PDE8A: variants seen among roughly 807,000 people sequenced by gnomAD.
PDE8A encodes the protein phosphodiesterase 8A, also known as high affinity cAMP-specific and IBMX-insensitive 3',5'-cyclic phosphodiesterase 8A.
Under a neutral mutation model 105.0 loss-of-function variants are expected in PDE8A, and 59 were observed. The ratio of observed to expected loss-of-function variants is 0.56; its 90% CI spans 0.46 to 0.70. The LOEUF is 0.70. Ranked by LOEUF, PDE8A falls within the 30% of genes least tolerant of loss-of-function variation. The pLI, the probability that PDE8A is intolerant of heterozygous loss-of-function variation, is 0.00. For missense variants in PDE8A, 1,014 were observed against 1,045.9 expected (o/e 0.97, Z 0.42); for synonymous variants, 355 against 371.9 (o/e 0.95, Z 0.52).
intron 1 of PDE8A, among the ~76,000 whole-genome samples, chr15:85,060,582 A>G (rs1164620701): frequency 6.6e-6 from 1 of 152,236 alleles, no homozygotes; most frequent in Non-Finnish European, 1.5e-5. Context: ...GAGCATCCAT[A>G]GATTTTCATA....
At chr15:85,136,472 C>A in intron 20 of PDE8A, 62 bp from the exon 21 acceptor site, 2 of 1,546,740 alleles carry the variant, frequency 1.3e-6, no homozygotes, top group South Asian at 2.4e-5. Context: ...GGGGGAGGGG[C>A]TGCCCCTAGG....
At chr15:85,045,357 A>G (rs368227399) in intron 1 of PDE8A, among the ~76,000 whole-genome samples, 9 of 152,344 alleles carry the variant, frequency 5.9e-5, no homozygotes, top group African/African-American at 2.2e-4. Flanking sequence ...CTAGATACAG[A>G]TTACGGCCAG....
Position 85,113,939 on chromosome 15 carries a change from G to A in PDE8A, c.1252G>A (p.Val418Met), listed in dbSNP as rs2141602109. The change falls in exon 14 of 22, where the codon GTG becomes ATG. Residue 418 changes from valine (V) to methionine (M), a missense_variant. Physicochemically the swap from Val to Met is conservative, Grantham distance 21. Coordinates refer to ENST00000394553, the MANE Select transcript of PDE8A (RefSeq NM_002605.3). ...GCCTGTGACAGAAGCCCTAGACCGT[G>A]TGCTGGAAATTCTAAGAACCACTGA... is the stretch of plus-strand genomic sequence containing the variant. ...PMPVTEALDR[V>M]LEILRTTELY... 1 of 1,613,632 alleles carries A rather than the reference G, an allele frequency of 6.2e-7. No individual in the cohort carries two copies. The highest frequency in any genetic ancestry group is 8.5e-7 in the Non-Finnish European group (1 of 1,179,496).
chr15:85,053,581 C>A (rs1328324187), intron 1 of PDE8A, among the ~76,000 whole-genome samples: 1 of 152,148 alleles, frequency 6.6e-6, no homozygotes, highest in Non-Finnish European at 1.5e-5. Context: ...CTCTTGGAAG[C>A]AATTGTGAAT....
At chr15:85,132,188 T>C (rs1182126761) in intron 20 of PDE8A, among the ~76,000 whole-genome samples, 14 of 152,056 alleles carry the variant, frequency 9.2e-5, no homozygotes, top group Non-Finnish European at 1.5e-5. Flanking sequence ...CCCAAGCTGG[T>C]CTTGAACTCC....
In PDE8A at chr15:85,097,932, T is replaced by TA. The variant is rs763960589; in HGVS notation, c.853-15dup. ...TTTCAACACAAAGTATGACGATGCT[T>TA]ACATTCCATTTATAGGAGTGGCAAG... On this transcript the variant is annotated splice_polypyrimidine_tract_variant and intron_variant, in intron 8 of 21. Coordinates refer to ENST00000394553, the MANE Select transcript of PDE8A (RefSeq NM_002605.3). 7.3e-7 allele frequency: 1 copy of TA among 1,367,878 alleles called. No homozygotes were observed. Among genetic ancestry groups the TA allele is most frequent in the Non-Finnish European group, 1.0e-6 (1 of 956,730 alleles). 84.7% of individuals were successfully genotyped at this position (1,367,878 alleles called of 1,614,324 possible).
At chr15:85,127,400 A>G (rs1042076816) in intron 20 of PDE8A, among the ~76,000 whole-genome samples, 1 of 152,200 alleles carries the variant, frequency 6.6e-6, no homozygotes, top group African/African-American at 2.4e-5. Context: ...TGCAGATGAC[A>G]TGATTTTATG....
intron 14 of PDE8A, chr15:85,115,130 A>T (rs1232309680): frequency 2.8e-6 from 1 of 356,890 alleles, no homozygotes; most frequent in Non-Finnish European, 5.0e-6. Context: ...GCAAGCAAGA[A>T]TGCTGGGCTT....
intron 20 of PDE8A, among the ~76,000 whole-genome samples, chr15:85,131,969 A>G (rs1402339684): frequency 6.6e-6 from 1 of 151,912 alleles, no homozygotes; most frequent in Non-Finnish European, 1.5e-5. Context: ...TCATCTTATT[A>G]TCTCCTATAT....
At chr15:85,085,363 A>C (rs1336190666) in intron 6 of PDE8A, among the ~76,000 whole-genome samples, 1 of 152,226 alleles carries the variant, frequency 6.6e-6, no homozygotes, top group African/African-American at 2.4e-5. Context: ...AAAAGCTGTA[A>C]CAAGCAGGGG....
chr15:85,062,453 GA>G (rs1248945233), intron 1 of PDE8A: 1 of 152,184 alleles, frequency 6.6e-6, no homozygotes, highest in East Asian at 1.9e-4. Context: ...GGATAAAAGA[GA>G]AAAATGAAAG....
intron 1 of PDE8A, among the ~76,000 whole-genome samples, chr15:85,025,872 G>A (rs921689267): frequency 1.2e-4 from 19 of 152,312 alleles, no homozygotes; most frequent in South Asian, 2.1e-4. Flanking sequence ...TTTGGTCCCA[G>A]TGAGTCTCAC....
rs145250838 is a variant in PDE8A at position 84,993,171 on chromosome 15, T to C, written c.186+10823T>C. Among the ~76,000 whole-genome samples the C allele has an allele frequency of 9.9e-3, 1,512 of 152,118 alleles. 15 individuals carry two copies. The highest frequency in any genetic ancestry group is 0.034 in the East Asian group (178 of 5,178). ...GAAAAGAACAAGGATCGGCTGGGCG[T>C]GGTGGCTCATGCCTGTAATCCCAGC... On this transcript the variant is annotated intron_variant, in intron 1 of 21. Coordinates refer to ENST00000394553, the MANE Select transcript of PDE8A (RefSeq NM_002605.3).
intron 19 of PDE8A, among the ~76,000 whole-genome samples, chr15:85,125,512 C>G (rs1448526225): frequency 1.3e-5 from 2 of 152,300 alleles, no homozygotes; most frequent in South Asian, 2.1e-4. Context: ...GGACTAAAGG[C>G]AGAACTGAAG....
intron 6 of PDE8A, among the ~76,000 whole-genome samples, chr15:85,085,311 G>A (rs1362535052): frequency 6.6e-6 from 1 of 152,166 alleles, no homozygotes; most frequent in African/African-American, 2.4e-5. Flanking sequence ...TAGAGAATTG[G>A]GAGAAATAGA....
At chr15:85,099,800 G>A in intron 9 of PDE8A, 2 of 519,110 alleles carry the variant, frequency 3.9e-6, no homozygotes, top group Admixed American at 3.7e-5. Flanking sequence ...GAAGAATTTT[G>A]TCATTTTTAC....
intron 20 of PDE8A, 69 bp from the exon 21 acceptor site, chr15:85,136,465 G>T: frequency 6.6e-7 from 1 of 1,526,014 alleles, no homozygotes; most frequent in Non-Finnish European, 8.8e-7. Context: ...TCTTCCTGGG[G>T]GAGGGGCTGC....
chr15:84,989,087 T>G (rs1438457441), intron 1 of PDE8A, among the ~76,000 whole-genome samples: 1 of 152,274 alleles, frequency 6.6e-6, no homozygotes, highest in Non-Finnish European at 1.5e-5. Flanking sequence ...GAGTTAGGGT[T>G]AAGCAATGTT....
At chr15:84,996,110 C>A (rs926459626) in intron 1 of PDE8A, among the ~76,000 whole-genome samples, 5 of 151,770 alleles carry the variant, frequency 3.3e-5, no homozygotes, top group African/African-American at 1.2e-4. Context: ...TAAATTTTGA[C>A]CTCTCATGTG....
Sources: gnomAD v4.1 joint callset for allele counts (sites outside exome capture counted in the v4.1 genomes callset) on GRCh38, gnomAD v4.1.1 for gene constraint, MANE v1.5 for transcripts, NCBI Gene and HGNC (gene_info 2026-07-23, HGNC 2026-07-21) for gene names.